RPGRIP1L: variants seen among roughly 807,000 people sequenced by gnomAD.
The protein encoded by RPGRIP1L is RPGRIP1 like, also known as protein fantom.
A neutral mutation model predicts 160.4 loss-of-function variants in RPGRIP1L; 131 were observed. The observed-to-expected ratio is 0.82, with a 90% CI of 0.71 to 0.94. RPGRIP1L has a LOEUF of 0.94. Among genes scored for constraint, RPGRIP1L ranks in the 40% least tolerant of loss-of-function variants. RPGRIP1L has a pLI of 0.00. For missense variants in RPGRIP1L, 1,522 were observed against 1,535.8 expected, an observed-to-expected ratio of 0.99 and a Z score of 0.15; for synonymous variants, 510 against 515.8, an observed-to-expected ratio of 0.99 and a Z score of 0.15.
At chr16:53,696,492 C>T (rs1970768469) in intron 2 of RPGRIP1L, among the ~76,000 whole-genome samples, 197 bp from the exon 3 acceptor site, 1 of 152,178 alleles carries the variant, frequency 6.6e-6, no homozygotes, top group East Asian at 1.9e-4. Context: ...GCTATTAATA[C>T]TTTATATACA....
chr16:53,608,630 T>TA (rs1414927836), intron 25 of RPGRIP1L, among the ~76,000 whole-genome samples: 3 of 152,206 alleles, frequency 2.0e-5, no homozygotes, highest in Non-Finnish European at 4.4e-5. Flanking sequence ...ACAATGTCTA[T>TA]AACTTTAGAC....
rs992822335 is a variant in RPGRIP1L, at chr16:53,619,522, C to T, written c.3433-314G>A. Among the ~76,000 whole-genome samples the T allele has an allele frequency of 2.6e-5, 4 of 152,346 alleles. No individual in the cohort carries two copies. The East Asian group carries it at 7.7e-4, about 29-fold the overall frequency. ...ATTATGAGATCTTCATCTCCGATTG[C>T]TTTCAGAATGACAAGTTGGCCTTGT... On this transcript the variant is annotated intron_variant, in intron 23 of 26. Transcript: ENST00000647211.
At chr16:53,642,705 G>A (rs2151066919) in intron 17 of RPGRIP1L, among the ~76,000 whole-genome samples, 2 of 152,290 alleles carry the variant, frequency 1.3e-5, no homozygotes, top group Non-Finnish European at 2.9e-5. Context: ...GTAGGAATCT[G>A]TGGGACTGCT....
At chr16:53,603,327 T>C (rs970860742) in intron 26 of RPGRIP1L, among the ~76,000 whole-genome samples, 2 of 152,200 alleles carry the variant, frequency 1.3e-5, no homozygotes, top group African/African-American at 2.4e-5. Flanking sequence ...AGTCTTCATA[T>C]AGTTTCTGTT....
chr16:53,664,740 T>C, intron 10 of RPGRIP1L, 130 bp downstream of exon 10: 1 of 1,025,016 alleles, frequency 9.8e-7, no homozygotes, highest in Non-Finnish European at 1.5e-6. Flanking sequence ...TGAGAGTGGA[T>C]GACTGTGTCT....
intron 6 of RPGRIP1L, among the ~76,000 whole-genome samples, chr16:53,676,642 AT>A (rs202116292): frequency 2.0e-5 from 3 of 150,614 alleles, no homozygotes; most frequent in African/African-American, 4.9e-5. Context: ...TTATTTATTT[AT>A]TTTTTTTTGA....
At chr16:53,609,596 T>A (rs1415842414) in intron 25 of RPGRIP1L, among the ~76,000 whole-genome samples, 2 of 152,166 alleles carry the variant, frequency 1.3e-5, no homozygotes, top group African/African-American at 4.8e-5. Flanking sequence ...AATAGGCTAC[T>A]GAATCGCAGC....
intron 24 of RPGRIP1L, among the ~76,000 whole-genome samples, chr16:53,611,719 G>A (rs1964050409): frequency 6.6e-6 from 1 of 152,220 alleles, no homozygotes. Flanking sequence ...AGAAGACGGT[G>A]AACACTTGAC....
At position 53,618,612 on chromosome 16, in the gene RPGRIP1L, G is replaced by A. The variant is rs189232880; in HGVS notation, c.3616+413C>T. ...AAGCAAGAGTGCGGTGGCAAGATCA[G>A]AGCTCACTGCAGGCTCACCCTCCCA... On this transcript the variant is annotated intron_variant, in intron 24 of 26. Coordinates refer to ENST00000647211, the MANE Select transcript of RPGRIP1L (RefSeq NM_015272.5). 3.9e-3 allele frequency among the ~76,000 whole-genome samples: 590 copies of A among 152,222 alleles called. 3 individuals carry two copies. Among genetic ancestry groups the A allele is most frequent in the Non-Finnish European group, 6.9e-3 (468 of 68,010 alleles).
At chr16:53,623,720 C>T (rs532060555) in intron 22 of RPGRIP1L, among the ~76,000 whole-genome samples, 1 of 152,312 alleles carries the variant, frequency 6.6e-6, no homozygotes, top group South Asian at 2.1e-4. Flanking sequence ...TTCTCCATCA[C>T]ATTGTACTAC....
intron 24 of RPGRIP1L, among the ~76,000 whole-genome samples, chr16:53,611,975 T>A (rs754279758): frequency 1.3e-5 from 2 of 152,228 alleles, no homozygotes; most frequent in African/African-American, 2.4e-5. Flanking sequence ...TAAAGCCAGT[T>A]CTCCTTAGGC....
At chr16:53,658,909 G>A (rs1967518421) in intron 10 of RPGRIP1L, 31 bp from the exon 11 acceptor site, 3 of 1,391,684 alleles carry the variant, frequency 2.2e-6, no homozygotes, top group Non-Finnish European at 3.0e-6. Context: ...AATTGGAAAG[G>A]TAAGTAAAAA....
intron 22 of RPGRIP1L, among the ~76,000 whole-genome samples, chr16:53,629,566 G>T (rs1381346627): frequency 1.3e-5 from 2 of 152,168 alleles, no homozygotes; most frequent in Non-Finnish European, 2.9e-5. Flanking sequence ...CAATATTCAT[G>T]TTAAACAGTT....
intron 17 of RPGRIP1L, among the ~76,000 whole-genome samples, chr16:53,642,898 G>A (rs139499501): frequency 2.0e-3 from 303 of 152,308 alleles, no homozygotes; most frequent in African/African-American, 7.1e-3. Context: ...AATCAGAGAA[G>A]GTCAACATCA....
At chr16:53,633,144 A>G (rs1965624286) in intron 22 of RPGRIP1L, among the ~76,000 whole-genome samples, 1 of 152,236 alleles carries the variant, frequency 6.6e-6, no homozygotes, top group Admixed American at 6.5e-5. Flanking sequence ...CACTGTTCTG[A>G]GATTTTTACC....
intron 2 of RPGRIP1L, 48 bp downstream of exon 2, chr16:53,700,591 A>T: frequency 7.3e-7 from 1 of 1,371,360 alleles, no homozygotes; most frequent in Non-Finnish European, 1.0e-6. Flanking sequence ...AATTAAAAGT[A>T]GTCAGTGATC....
At chr16:53,684,763 AAAG>A (rs1314698604) in intron 6 of RPGRIP1L, among the ~76,000 whole-genome samples, 1 of 151,878 alleles carries the variant, frequency 6.6e-6, no homozygotes, top group African/African-American at 2.4e-5. Flanking sequence ...TAAAAAAAAA[AAAG>A]AAAACCTAGG....
At position 53,636,529 on chromosome 16, in the gene RPGRIP1L, A is replaced by C; in HGVS notation, c.3221-17T>G. On this transcript the variant is annotated splice_polypyrimidine_tract_variant and intron_variant, in intron 21 of 26. Coordinates refer to ENST00000647211, the MANE Select transcript of RPGRIP1L (RefSeq NM_015272.5). ...CCTCTTCAACTGTTTAAAAAATAAAAGGGTAACATTTACACAAGTTAAACC... is the reference window on the plus strand; with the variant it reads ...CCTCTTCAACTGTTTAAAAAATAAACGGGTAACATTTACACAAGTTAAACC... 6.3e-7 allele frequency: 1 copy of C among 1,584,636 alleles called. No individual in the cohort carries two copies. The highest frequency in any genetic ancestry group is 8.7e-7 in the Non-Finnish European group (1 of 1,153,688).
At chr16:53,696,848 G>GTTTATACTC (rs1456174940) in intron 2 of RPGRIP1L, among the ~76,000 whole-genome samples, 1 of 152,076 alleles carries the variant, frequency 6.6e-6, no homozygotes, top group African/African-American at 2.4e-5. Context: ...TTTTAAGAAC[G>GTTTATACTC]TTTATACTCT....
Sources: gnomAD v4.1 joint callset for allele counts (sites outside exome capture counted in the v4.1 genomes callset) on GRCh38, gnomAD v4.1.1 for gene constraint, MANE v1.5 for transcripts, NCBI Gene and HGNC (gene_info 2026-07-23, HGNC 2026-07-21) for gene names.